CNTN1: variants seen among roughly 807,000 people sequenced by gnomAD.
The protein encoded by CNTN1 is contactin 1.
CNTN1 carries 38 observed loss-of-function variants against 126.4 expected under a neutral mutation model. That is an observed-to-expected ratio of 0.30 (90% CI 0.23 to 0.39). The LOEUF (loss-of-function observed/expected upper bound fraction) is 0.39, where lower values mean the gene tolerates loss of function less well. Ranked by LOEUF, CNTN1 falls within the 10% of genes least tolerant of loss-of-function variation. The pLI is 1.00. For missense variants in CNTN1, 1,009 were observed against 1,248.4 expected, an observed-to-expected ratio of 0.81 and a Z score of 2.89; for synonymous variants, 413 against 422.6, an observed-to-expected ratio of 0.98 and a Z score of 0.28.
intron 1 of CNTN1, among the ~76,000 whole-genome samples, chr12:40,805,126 T>A (rs11178472): frequency 0.019 from 2,916 of 152,198 alleles, 87 homozygotes; most frequent in African/African-American, 0.063. Flanking sequence ...GATGTATCTA[T>A]GTGTTGTATT....
intron 1 of CNTN1, among the ~76,000 whole-genome samples, chr12:40,825,997 A>G (rs987821180): frequency 4.6e-5 from 7 of 152,144 alleles, no homozygotes; most frequent in African/African-American, 1.7e-4. Context: ...TATGTGAGAA[A>G]CGATATTGGC....
chr12:40,844,373 T>G (rs1942423045), intron 1 of CNTN1, among the ~76,000 whole-genome samples: 1 of 152,084 alleles, frequency 6.6e-6, no homozygotes, highest in African/African-American at 2.4e-5. Flanking sequence ...GCCACAATGA[T>G]TTTTTGAAGT....
At chr12:40,792,809 G>A (rs1169559564) in intron 1 of CNTN1, among the ~76,000 whole-genome samples, 1 of 152,022 alleles carries the variant, frequency 6.6e-6, no homozygotes, top group Non-Finnish European at 1.5e-5. Flanking sequence ...ATTCATTTGT[G>A]TATTCATTAA....
At chr12:40,749,254 A>G (rs1039082841) in intron 1 of CNTN1, among the ~76,000 whole-genome samples, 9 of 152,150 alleles carry the variant, frequency 5.9e-5, no homozygotes, top group African/African-American at 1.9e-4. Context: ...TTGATTTCAC[A>G]TAGTGGACCA....
chr12:41,044,482 C>A lies in CNTN1; in HGVS notation c.2980+15263C>A, dbSNP rs150883338. 3.9e-3 allele frequency among the ~76,000 whole-genome samples: 600 copies of A among 152,218 alleles called. 7 individuals carry two copies. Among genetic ancestry groups the A allele is most frequent in the African/African-American group, 0.014 (578 of 41,552 alleles). On this transcript the variant is annotated intron_variant, in intron 23 of 23. Transcript: ENST00000551295. ...GGAATATTTAAGGATTGGTTTACAT[C>A]ATTAATGACATAAAAATTGTAAATG...
At chr12:40,873,522 A>T (rs1240149689) in intron 1 of CNTN1, among the ~76,000 whole-genome samples, 4 of 152,184 alleles carry the variant, frequency 2.6e-5, no homozygotes, top group African/African-American at 9.6e-5. Flanking sequence ...TTTTAAACCA[A>T]AACATGTAAA....
At chr12:40,934,282 T>C (rs1441682922) in intron 9 of CNTN1, among the ~76,000 whole-genome samples, 1 of 152,046 alleles carries the variant, frequency 6.6e-6, no homozygotes, top group Non-Finnish European at 1.5e-5. Flanking sequence ...GAGGGCTTGT[T>C]AAAACAGATT....
intron 23 of CNTN1, among the ~76,000 whole-genome samples, chr12:41,055,209 C>A (rs1949776846): frequency 1.3e-5 from 2 of 152,034 alleles, no homozygotes; most frequent in Non-Finnish European, 2.9e-5. Context: ...ATGAGAGGAT[C>A]AACTATAACT....
intron 12 of CNTN1, among the ~76,000 whole-genome samples, chr12:40,940,621 T>G (rs139203084): frequency 2.2e-3 from 333 of 152,254 alleles, no homozygotes; most frequent in African/African-American, 7.9e-3. Context: ...AAACTAGAAC[T>G]TGAAGTTGTA....
chr12:40,837,517 G>A (rs1257606771), intron 1 of CNTN1, among the ~76,000 whole-genome samples: 1 of 152,202 alleles, frequency 6.6e-6, no homozygotes, highest in Non-Finnish European at 1.5e-5. Context: ...ACTGCAGAAA[G>A]AAGGAACTGC....
intron 15 of CNTN1, among the ~76,000 whole-genome samples, chr12:40,964,339 A>G (rs1178647371): frequency 6.6e-6 from 1 of 152,150 alleles, no homozygotes; most frequent in East Asian, 1.9e-4. Context: ...CTCAACTCTA[A>G]CATATGCTGT....
At chr12:40,710,490 C>T (rs945233474) in intron 1 of CNTN1, among the ~76,000 whole-genome samples, 1 of 152,054 alleles carries the variant, frequency 6.6e-6, no homozygotes, top group Non-Finnish European at 1.5e-5. Flanking sequence ...AAGAAGTGAG[C>T]TCATGCTGTT....
At chr12:41,030,218 AT>A (rs1418312158) in intron 23 of CNTN1, among the ~76,000 whole-genome samples, 1 of 152,018 alleles carries the variant, frequency 6.6e-6, no homozygotes, top group Non-Finnish European at 1.5e-5. Flanking sequence ...AAATTTGGTG[AT>A]TTTGATATAA....
chr12:40,803,883 A>G (rs1374958434), intron 1 of CNTN1, among the ~76,000 whole-genome samples: 1 of 151,808 alleles, frequency 6.6e-6, no homozygotes, highest in African/African-American at 2.4e-5. Context: ...GAGGGAATAT[A>G]AAGTGCATCC....
At chr12:40,811,917 G>C (rs895934910) in intron 1 of CNTN1, among the ~76,000 whole-genome samples, 5 of 141,474 alleles carry the variant, frequency 3.5e-5, no homozygotes, top group African/African-American at 1.3e-4. Context: ...TTGTTATTTT[G>C]TTTCTTCTAC....
intron 15 of CNTN1, chr12:40,972,083 GT>G: frequency 1.0e-6 from 1 of 985,560 alleles, no homozygotes. Context: ...GCTCTGTAGG[GT>G]TTTTGGAACA....
chr12:41,034,721 A>C (rs1489507800), intron 23 of CNTN1, among the ~76,000 whole-genome samples: 1 of 152,212 alleles, frequency 6.6e-6, no homozygotes, highest in African/African-American at 2.4e-5. Flanking sequence ...ATTACCTCTA[A>C]AATGCATATT....
At chr12:40,954,335 T>C (rs1472679097) in intron 14 of CNTN1, among the ~76,000 whole-genome samples, 1 of 152,028 alleles carries the variant, frequency 6.6e-6, no homozygotes, top group Non-Finnish European at 1.5e-5. Context: ...AAATATGTAA[T>C]GTTTATTTTA....
At chr12:41,017,583 G>A (rs1048539617) in intron 19 of CNTN1, among the ~76,000 whole-genome samples, 8 of 151,768 alleles carry the variant, frequency 5.3e-5, no homozygotes, top group East Asian at 1.9e-4. Flanking sequence ...TCTTGAAAAG[G>A]GAAAAATTTG....
Sources: gnomAD v4.1 joint callset for allele counts (sites outside exome capture counted in the v4.1 genomes callset) on GRCh38, gnomAD v4.1.1 for gene constraint, MANE v1.5 for transcripts, NCBI Gene and HGNC (gene_info 2026-07-23, HGNC 2026-07-21) for gene names.